The following PASK variants were observed in gnomAD, a reference collection of about 807,000 sequenced individuals.
PASK encodes PAS domain containing serine/threonine kinase.
PASK carries 110 observed loss-of-function variants against 121.0 expected under a neutral mutation model. That is an observed-to-expected ratio of 0.91 (90% CI 0.78 to 1.06). PASK has a LOEUF of 1.06. PASK is among the 50% of genes least tolerant of loss of function. The pLI, the probability that PASK is intolerant of heterozygous loss-of-function variation, is 0.00. For missense variants in PASK, 1,643 were observed against 1,702.3 expected, an observed-to-expected ratio of 0.97 and a Z score of 0.61; for synonymous variants, 686 against 717.8, an observed-to-expected ratio of 0.96 and a Z score of 0.71.
chr2:241,141,843 A>T (rs1258070081), intron 2 of PASK, among the ~76,000 whole-genome samples: 1 of 152,060 alleles, frequency 6.6e-6, no homozygotes, highest in Non-Finnish European at 1.5e-5. Context: ...TGAGGCTGGA[A>T]ACCACGTGGC....
chr2:241,125,311 A>G (rs1041128178), intron 10 of PASK, among the ~76,000 whole-genome samples: 3 of 145,496 alleles, frequency 2.1e-5, no homozygotes, highest in African/African-American at 7.6e-5. Flanking sequence ...CAAAAAATAA[A>G]AAAAATAGGC....
rs749361888 is a variant in PASK at position 241,108,341 on chromosome 2, C to G, written c.3534-41G>C. 1 of 1,610,958 alleles carries G rather than the reference C, an allele frequency of 6.2e-7. No homozygotes were observed. Among genetic ancestry groups the G allele is most frequent in the Admixed American group, 1.7e-5 (1 of 59,988 alleles). ...GGCATCAGGACGCCACGGCACTCAG[C>G]GCAGGCTTGCCAAGCCCGCCCATGG... On this transcript the variant is annotated intron_variant, in intron 15 of 17. Transcript: ENST00000234040. This position sits in a 1 kb window ranked among gnomAD's most constrained non-coding sequence, Gnocchi z 5.2.
At chr2:241,146,650 G>T (rs2066969937) in intron 1 of PASK, among the ~76,000 whole-genome samples, 1 of 152,192 alleles carries the variant, frequency 6.6e-6, no homozygotes, top group East Asian at 1.9e-4. Flanking sequence ...TCAGCAGGAG[G>T]ATTCCTTTGT....
chr2:241,122,836 C>A lies in PASK; in HGVS notation c.2968G>T (p.Ala990Ser), dbSNP rs1039645361. 6.2e-7 allele frequency: 1 copy of A among 1,614,102 alleles called. No homozygotes were observed. The highest frequency in any genetic ancestry group is 1.3e-5 in the African/African-American group (1 of 74,960). The change falls in exon 12 of 18, where the codon GCC becomes TCC. Residue 990 changes from alanine to serine, a missense_variant. Physicochemically the swap from Ala to Ser is moderately conservative, Grantham distance 99. Coordinates refer to ENST00000234040, the MANE Select transcript of PASK (RefSeq NM_015148.4). ...TTTTGGGAGTACTCGCCCTCACAGG[C>A]CGCCAACCCCTCCAGTTCCACAGCC... is the stretch of plus-strand genomic sequence containing the variant. ...PKAVELEGLA[A>S]CEGEYSQKYS...
intron 12 of PASK, chr2:241,119,084 C>A: frequency 3.1e-6 from 1 of 324,090 alleles, no homozygotes; most frequent in Non-Finnish European, 4.5e-6. Flanking sequence ...GGGAGGGAAG[C>A]CCACAAACCA....
rs751884081 is a variant in PASK at position 241,127,142 on chromosome 2, G to A, written c.1773C>T (p.Ala591=). 8.1e-6 allele frequency: 13 copies of A among 1,613,824 alleles called. No homozygotes were observed. Among genetic ancestry groups the A allele is most frequent in the South Asian group, 3.3e-5 (3 of 91,092 alleles). The change falls in exon 10 of 18, where the codon GCC becomes GCT. Residue 591 remains alanine (A), a synonymous_variant. Coordinates refer to ENST00000234040, the MANE Select transcript of PASK (RefSeq NM_015148.4). ...GACCCTTGGCCTGGGGCTTGGCCAC[G>A]GCAGCCCCAGCCCAAAGGTCTGAAC... ...PSGSDLWAGA[A]VAKPQAKGQL...
chr2:241,128,284 CACAA>C (rs2065968046), intron 9 of PASK, among the ~76,000 whole-genome samples: 1 of 152,084 alleles, frequency 6.6e-6, no homozygotes, highest in African/African-American at 2.4e-5. Context: ...CCGTCTCAAA[CACAA>C]ACAAAAAAAG....
At position 241,138,042 on chromosome 2, in the gene PASK, A is replaced by G; in HGVS notation, c.787T>C (p.Tyr263His). Residue 263 changes from tyrosine to histidine, a missense_variant, in exon 6 of 18, where the codon TAC (tyrosine) becomes CAC (histidine). Coordinates refer to ENST00000234040, the MANE Select transcript of PASK (RefSeq NM_015148.4). The part of the protein sequence containing the change: ...CDSLFAHLHG[Y>H]VSGEDVAGQH... ...CCAGCCACGTCCTCCCCAGACACGT[A>G]CCCGTGAAGATGAGCAAAGAGACTG... 1 of 1,614,168 alleles carries G rather than the reference A, an allele frequency of 6.2e-7. No individual in the cohort carries two copies. Among genetic ancestry groups the G allele is most frequent in the Non-Finnish European group, 8.5e-7 (1 of 1,179,978 alleles).
chr2:241,126,162 C>T, intron 10 of PASK, 34 bp downstream of exon 10: 4 of 1,604,104 alleles, frequency 2.5e-6, no homozygotes, highest in Non-Finnish European at 3.4e-6. Flanking sequence ...GCTCTGGGAG[C>T]ACCACACTTC....
chr2:241,139,624 G>C (rs1472146879), intron 4 of PASK: 4 of 681,746 alleles, frequency 5.9e-6, no homozygotes, highest in Non-Finnish European at 8.3e-6. Flanking sequence ...GACAAAGCAA[G>C]GGCCACCCAC....
chr2:241,108,264 T>A lies in PASK; in HGVS notation c.3570A>T (p.Gly1190=), dbSNP rs1025635789. The part of the protein sequence containing the change: ...RGPELEMWSL[G]VTLYTLVFEE... ...CAAAGACCAGCGTGTACAGAGTGAC[T>A]CCCAGAGACCACATCTCCAGCTCCG... The change falls in exon 16 of 18, where the codon GGA becomes GGT. Residue 1190 remains glycine (G), a synonymous_variant. Transcript: ENST00000234040. This position sits in a 1 kb window ranked among gnomAD's most constrained non-coding sequence, Gnocchi z 5.2. The A allele has an allele frequency of 3.1e-6, 5 of 1,613,814 alleles. No homozygotes were observed. The highest frequency in any genetic ancestry group is 4.2e-6 in the Non-Finnish European group (5 of 1,179,872).
intron 7 of PASK, 45 bp downstream of exon 7, chr2:241,136,959 G>T: frequency 6.3e-7 from 1 of 1,589,960 alleles, no homozygotes. Flanking sequence ...GAGCACAGCA[G>T]CTTCCTCCCA....
intron 7 of PASK, 108 bp downstream of exon 7, chr2:241,136,896 G>T: frequency 9.6e-7 from 1 of 1,040,404 alleles, no homozygotes; most frequent in Non-Finnish European, 1.5e-6. Flanking sequence ...AAAGGAGCGA[G>T]CTGGAGAGCT....
chr2:241,113,381 T>G (rs2065185961), intron 14 of PASK: 1 of 93,558 alleles, frequency 1.1e-5, no homozygotes, highest in Non-Finnish European at 1.8e-5. Context: ...CATACCTGCA[T>G]ATTTATATAT....
intron 8 of PASK, among the ~76,000 whole-genome samples, 167 bp downstream of exon 8, chr2:241,135,704 G>C (rs1038886611): frequency 6.7e-6 from 1 of 150,132 alleles, no homozygotes; most frequent in African/African-American, 2.5e-5. Context: ...CCCCGAGACA[G>C]AGAGGAACAT....
chr2:241,149,621 G>C, upstream of PASK: 1 of 1,535,700 alleles, frequency 6.5e-7, no homozygotes, highest in East Asian at 2.4e-5. Flanking sequence ...ACACCCCTAC[G>C]GCGCTTCGGA....
chr2:241,127,847 T>C (rs899943439), intron 9 of PASK: 2 of 345,184 alleles, frequency 5.8e-6, no homozygotes, highest in Non-Finnish European at 1.1e-5. Context: ...GAGAGAGAGA[T>C]TGGAGAGTCC....
At chr2:241,134,790 C>G (rs1167024308) in intron 8 of PASK, 1 of 138,286 alleles carries the variant, frequency 7.2e-6, no homozygotes, top group Non-Finnish European at 1.7e-5. Context: ...TTCCATAGAA[C>G]AGAGACCCCC....
chr2:241,120,053 G>A (rs1390691150), intron 12 of PASK, among the ~76,000 whole-genome samples: 1 of 152,084 alleles, frequency 6.6e-6, no homozygotes, highest in African/African-American at 2.4e-5. Flanking sequence ...AATAAAATGT[G>A]CTTCAAATGA....
Sources: gnomAD v4.1 joint callset for allele counts (sites outside exome capture counted in the v4.1 genomes callset) on GRCh38, gnomAD v4.1.1 for gene constraint, Gnocchi (gnomAD v3.1) non-coding constraint, MANE v1.5 for transcripts, NCBI Gene and HGNC (gene_info 2026-07-23, HGNC 2026-07-21) for gene names.